RNF180: variants seen among roughly 807,000 people sequenced by gnomAD.
The protein encoded by RNF180 is E3 ubiquitin-protein ligase RNF180.
A neutral mutation model predicts 59.2 loss-of-function variants in RNF180; 38 were observed. The ratio of observed to expected loss-of-function variants is 0.64; its 90% CI spans 0.50 to 0.84. RNF180 has a LOEUF of 0.84. RNF180 is among the 40% of genes least tolerant of loss of function. The pLI, the probability that RNF180 is intolerant of heterozygous loss-of-function variation, is 0.00. For missense variants in RNF180, 705 were observed against 700.9 expected (o/e 1.01, Z -0.07); for synonymous variants, 262 against 240.3 (o/e 1.09, Z -0.84).
chr5:64,308,785 C>T (rs757740177), intron 5 of RNF180, among the ~76,000 whole-genome samples: 6 of 151,760 alleles, frequency 4.0e-5, no homozygotes, highest in Admixed American at 1.3e-4. Flanking sequence ...TTAGAGATAA[C>T]GACTAAGATG....
chr5:64,207,352 T>G (rs1679229321), intron 2 of RNF180, among the ~76,000 whole-genome samples: 1 of 152,086 alleles, frequency 6.6e-6, no homozygotes, highest in Admixed American at 6.6e-5. Flanking sequence ...GATGGATAAG[T>G]GAGGACAGTA....
chr5:64,212,211 T>A, intron 3 of RNF180, 51 bp downstream of exon 3: 2 of 1,079,804 alleles, frequency 1.9e-6, no homozygotes, highest in Non-Finnish European at 2.9e-6. Flanking sequence ...CTTCAGAATG[T>A]TTTTGTCCTC....
At chr5:64,284,903 T>C (rs1281528008) in intron 5 of RNF180, among the ~76,000 whole-genome samples, 1 of 152,230 alleles carries the variant, frequency 6.6e-6, no homozygotes, top group Non-Finnish European at 1.5e-5. Flanking sequence ...GTTTGGCTTC[T>C]TGAGTTGTGA....
chr5:64,325,777 A>G (rs1162445768), intron 6 of RNF180, among the ~76,000 whole-genome samples: 3 of 152,144 alleles, frequency 2.0e-5, no homozygotes, highest in African/African-American at 7.2e-5. Context: ...CTTTGGAGTC[A>G]CAGAGAATAA....
At chr5:64,264,462 T>C (rs930304889) in intron 5 of RNF180, among the ~76,000 whole-genome samples, 1 of 152,158 alleles carries the variant, frequency 6.6e-6, no homozygotes, top group East Asian at 1.9e-4. Context: ...TTCCCACTTA[T>C]GAGTGAGAAC....
chr5:64,323,621 G>T (rs1312279776), intron 5 of RNF180, among the ~76,000 whole-genome samples: 1 of 152,134 alleles, frequency 6.6e-6, no homozygotes, highest in Non-Finnish European at 1.5e-5. Context: ...TTAAATGCTT[G>T]GTTTGAGAAA....
At chr5:64,235,596 A>G (rs565654930) in intron 5 of RNF180, among the ~76,000 whole-genome samples, 1 of 151,932 alleles carries the variant, frequency 6.6e-6, no homozygotes, top group East Asian at 1.9e-4. Flanking sequence ...TTTCTAGGAT[A>G]GACAACACCG....
chr5:64,275,258 G>A (rs912477923), intron 5 of RNF180, among the ~76,000 whole-genome samples: 2 of 141,332 alleles, frequency 1.4e-5, no homozygotes, highest in African/African-American at 5.2e-5. Flanking sequence ...GACATAATGT[G>A]GACTTTGTGT....
chr5:64,222,941 CAG>C (rs139694794), intron 5 of RNF180, among the ~76,000 whole-genome samples: 15,665 of 152,218 alleles, frequency 0.1, 904 homozygotes, highest in South Asian at 0.17. Flanking sequence ...TGTTTTGTAA[CAG>C]AGGAAAAATA....
At chr5:64,335,686 G>A (rs1323253078) in intron 7 of RNF180, among the ~76,000 whole-genome samples, 1 of 152,010 alleles carries the variant, frequency 6.6e-6, no homozygotes, top group Non-Finnish European at 1.5e-5. Flanking sequence ...TAAAAACTTA[G>A]TAAGTTTTGA....
At chr5:64,263,980 A>G (rs1036131552) in intron 5 of RNF180, among the ~76,000 whole-genome samples, 3 of 152,140 alleles carry the variant, frequency 2.0e-5, no homozygotes, top group South Asian at 2.1e-4. Context: ...ATTCATTTCC[A>G]TGGCATAATT....
intron 5 of RNF180, among the ~76,000 whole-genome samples, chr5:64,225,165 C>A (rs1162158648): frequency 6.6e-6 from 1 of 152,230 alleles, no homozygotes; most frequent in Non-Finnish European, 1.5e-5. Context: ...CTGGAACTAA[C>A]CATTTTGGTC....
intron 5 of RNF180, among the ~76,000 whole-genome samples, chr5:64,278,598 GATA>G (rs1228058668): frequency 6.6e-6 from 1 of 152,152 alleles, no homozygotes; most frequent in East Asian, 1.9e-4. Context: ...TGTAGAAAGA[GATA>G]ATAATGGAAG....
chr5:64,276,564 A>G (rs956584880), intron 5 of RNF180, among the ~76,000 whole-genome samples: 2 of 152,038 alleles, frequency 1.3e-5, no homozygotes, highest in African/African-American at 4.8e-5. Flanking sequence ...GGACAAGTAT[A>G]ACGATTGTTG....
chr5:64,308,293 T>C (rs1253003090), intron 5 of RNF180, among the ~76,000 whole-genome samples: 2 of 151,760 alleles, frequency 1.3e-5, no homozygotes, highest in African/African-American at 4.8e-5. Context: ...TAATCATTCG[T>C]TGACATGCAC....
At chr5:64,269,385 C>G (rs1744873220) in intron 5 of RNF180, among the ~76,000 whole-genome samples, 1 of 152,168 alleles carries the variant, frequency 6.6e-6, no homozygotes, top group African/African-American at 2.4e-5. Context: ...TAGTTTTGCT[C>G]TCCCTAACAT....
chr5:64,202,478 T>A (rs1751803332), intron 2 of RNF180, among the ~76,000 whole-genome samples: 1 of 152,214 alleles, frequency 6.6e-6, no homozygotes, highest in Non-Finnish European at 1.5e-5. Flanking sequence ...GGTCATGTTT[T>A]ATTATTTCTG....
intron 5 of RNF180, among the ~76,000 whole-genome samples, chr5:64,321,149 T>C (rs755237754): frequency 6.6e-6 from 1 of 151,698 alleles, no homozygotes; most frequent in Non-Finnish European, 1.5e-5. Flanking sequence ...TTCAACATAG[T>C]ATTGGAAGTT....
Position 64,214,035 on chromosome 5 carries a change from G to T in RNF180, c.709G>T (p.Glu237Ter). ...ACATAGTTTGGATCTGAACATCAGT[G>T]AGAAACTGACTTTATTACCCACTTT... ...KSHSLDLNIS[E>*]KLTLLPTLYE... is the part of the protein sequence containing the mutation. The change falls in exon 4 of 8, where the codon GAG becomes TAG. Residue 237 changes from glutamate to a stop codon, truncating the protein, a stop_gained. Transcript: ENST00000389100. LOFTEE classifies it high-confidence loss of function. 6.2e-7 allele frequency: 1 copy of T among 1,614,126 alleles called. No homozygotes were observed. Among genetic ancestry groups the T allele is most frequent in the South Asian group, 1.1e-5 (1 of 91,076 alleles).
Sources: gnomAD v4.1 joint callset for allele counts (sites outside exome capture counted in the v4.1 genomes callset) on GRCh38, gnomAD v4.1.1 for gene constraint, MANE v1.5 for transcripts, NCBI Gene and HGNC (gene_info 2026-07-23, HGNC 2026-07-21) for gene names.